Variants in SLC1A7 observed in about 807,000 individuals in gnomAD.
SLC1A7 encodes the protein solute carrier family 1 member 7, also known as excitatory amino acid transporter 5.
Under a neutral mutation model 47.7 loss-of-function variants are expected in SLC1A7, and 40 were observed. That is an observed-to-expected ratio of 0.84 (90% confidence interval 0.65 to 1.09). The LOEUF (loss-of-function observed/expected upper bound fraction) is 1.09. Among genes scored for constraint, SLC1A7 ranks in the 50% least tolerant of loss-of-function variants. The pLI is 0.00. For missense variants in SLC1A7, 746 were observed against 769.5 expected (o/e 0.97, Z 0.36); for synonymous variants, 323 against 325.6 (o/e 0.99, Z 0.09).
At chr1:53,134,573 T>G (rs1572350300) in intron 1 of SLC1A7, 144 bp from the exon 2 acceptor site, 1 of 540,848 alleles carries the variant, frequency 1.8e-6, no homozygotes. Context: ...GAACTGGCTT[T>G]GGAGCCACAG....
intron 3 of SLC1A7, among the ~76,000 whole-genome samples, chr1:53,114,173 AAAGGGAGTGG>A (rs975673084): frequency 1.6e-4 from 24 of 152,226 alleles, no homozygotes; most frequent in African/African-American, 5.8e-4. Context: ...GGACCCGGGG[AAAGGGAGTGG>A]AAGGTGGCTG....
At position 53,107,600 on chromosome 1, in the gene SLC1A7, A is replaced by C. The variant is rs185732690; in HGVS notation, c.432-1826T>G. The stretch of plus-strand genomic sequence containing the variant: ...GAGAAGCTAAGACAGATTGCAATAC[A>C]AATAAAACCACAAAGCAAGTGACGA... On this transcript the variant is annotated intron_variant, in intron 3 of 10. Coordinates refer to ENST00000371494, the MANE Select transcript of SLC1A7 (RefSeq NM_006671.6). Among the ~76,000 whole-genome samples, 18 of 152,364 alleles carry C rather than the reference A, an allele frequency of 1.2e-4. No homozygotes were observed. The East Asian group carries it at 2.1e-3, about 18-fold the overall frequency.
At chr1:53,090,043 G>T in intron 8 of SLC1A7, 109 bp from the exon 9 acceptor site, 1 of 1,175,756 alleles carries the variant, frequency 8.5e-7, no homozygotes, top group Non-Finnish European at 1.2e-6. Context: ...ACAGCCATTT[G>T]GTGCGGGGGG....
At position 53,088,134 on chromosome 1, in the gene SLC1A7, C is replaced by T. The variant is rs748439840; in HGVS notation, c.1558G>A (p.Glu520Lys). The T allele has an allele frequency of 7.4e-6, 12 of 1,613,030 alleles. No individual in the cohort carries two copies. The highest frequency in any genetic ancestry group is 1.3e-5 in the African/African-American group (1 of 74,912). ...GGGCAGGTGGGGCCCAGGGTGAGCT[C>T]GGAGGCCTCGGCTACACTCTTCACA... ...GCVKSVAEAS[E>K]LTLGPTCPHH... is the part of the protein sequence containing the mutation. Residue 520 changes from glutamate to lysine, a missense_variant, in exon 11 of 11, where the codon GAG (glutamate) becomes AAG (lysine). By Grantham distance (56) the Glu-to-Lys change is moderately conservative. Coordinates refer to ENST00000371494, the MANE Select transcript of SLC1A7 (RefSeq NM_006671.6).
chr1:53,095,836 T>C (rs980450328), intron 5 of SLC1A7, among the ~76,000 whole-genome samples: 16 of 146,488 alleles, frequency 1.1e-4, no homozygotes, highest in Admixed American at 6.8e-5. Flanking sequence ...ACTGCCTCGG[T>C]ACACTCACAC....
At chr1:53,115,056 C>T (rs1436939093) in intron 2 of SLC1A7, 83 bp from the exon 3 acceptor site, 1 of 1,053,988 alleles carries the variant, frequency 9.5e-7, no homozygotes, top group African/African-American at 1.6e-5. Context: ...CCCTCCTGGC[C>T]ATGTCCAGCT....
intron 3 of SLC1A7, among the ~76,000 whole-genome samples, chr1:53,114,393 C>A (rs1644732393): frequency 2.0e-5 from 3 of 152,186 alleles, no homozygotes; most frequent in Admixed American, 2.0e-4. Context: ...CTGGAAAAGT[C>A]ACGGCACCTT....
At chr1:53,122,106 C>T (rs1257738197) in intron 2 of SLC1A7, among the ~76,000 whole-genome samples, 1 of 152,104 alleles carries the variant, frequency 6.6e-6, no homozygotes, top group Non-Finnish European at 1.5e-5. Flanking sequence ...GCTCTCAGCT[C>T]AGCACCAGGA....
At chr1:53,100,825 C>T (rs1644567184) in intron 5 of SLC1A7, among the ~76,000 whole-genome samples, 1 of 149,736 alleles carries the variant, frequency 6.7e-6, no homozygotes, top group African/African-American at 2.5e-5. Flanking sequence ...AGTACACTCA[C>T]ATCACCTCGG....
chr1:53,092,552 AC>A lies in SLC1A7; in HGVS notation c.1031+1del. 1.2e-6 allele frequency: 2 copies of A among 1,608,544 alleles called. No homozygotes were observed. The highest frequency in any genetic ancestry group is 1.7e-6 in the Non-Finnish European group (2 of 1,175,020). ...CACCGTCCTGCCCGTCCCCGGGGCT[AC>A]CTGGAGGAGGTGGCCAGCGCGATGA... On this transcript the variant is annotated splice_donor_variant, in intron 7 of 10. Transcript: ENST00000371494. LOFTEE classifies it high-confidence loss of function.
chr1:53,096,040 C>T (rs552625327), intron 5 of SLC1A7, among the ~76,000 whole-genome samples: 30 of 146,288 alleles, frequency 2.1e-4, no homozygotes, highest in Admixed American at 1.5e-3. Flanking sequence ...TCACACAACT[C>T]GCCTCGGTAC....
chr1:53,107,543 A>G (rs1036046481), intron 3 of SLC1A7, among the ~76,000 whole-genome samples: 2 of 151,346 alleles, frequency 1.3e-5, no homozygotes, highest in African/African-American at 4.9e-5. Context: ...CCGTAAACCT[A>G]AAACTATGCT....
At chr1:53,089,069 G>A (rs1222799856) in intron 9 of SLC1A7, 90 bp from the exon 10 acceptor site, 19 of 1,024,224 alleles carry the variant, frequency 1.9e-5, no homozygotes, top group African/African-American at 1.8e-4. Flanking sequence ...CAGCACGGCC[G>A]GTGACCAGCT....
At chr1:53,108,744 GA>G (rs1644672302) in intron 3 of SLC1A7, 1 of 682,922 alleles carries the variant, frequency 1.5e-6, no homozygotes, top group African/African-American at 1.8e-5. Flanking sequence ...CAGGGCCTGG[GA>G]CCCTGGTGAC....
chr1:53,087,684 G>T lies in SLC1A7; in HGVS notation c.*325C>A, dbSNP rs571605818. 3.9e-4 allele frequency: 85 copies of T among 215,828 alleles called. 1 individual carries two copies. The South Asian group carries it at 8.7e-3, about 22-fold the overall frequency. 13.4% of individuals were successfully genotyped at this position (215,828 alleles called of 1,614,324 possible). A position where few individuals can be genotyped will look rare whatever the true frequency, so the allele number is the denominator to read the frequency against. The stretch of plus-strand genomic sequence containing the variant: ...GTGAGACCTTGGACAAGTGTTTTCA[G>T]CTCTCAGAGCCTCAAGTCTGTCATC... On this transcript the variant is annotated 3_prime_UTR_variant, in exon 11 of 11. Transcript: ENST00000371494.
intron 10 of SLC1A7, 57 bp from the exon 11 acceptor site, chr1:53,088,284 G>A (rs1644382328): frequency 7.2e-7 from 1 of 1,385,882 alleles, no homozygotes. Flanking sequence ...TAGATACGAG[G>A]GAGGACTGAG....
At chr1:53,108,465 T>A in intron 3 of SLC1A7, 1 of 667,570 alleles carries the variant, frequency 1.5e-6, no homozygotes, top group African/African-American at 1.8e-5. Flanking sequence ...AGTCCTATTA[T>A]GTTGTGGGGA....
intron 5 of SLC1A7, 112 bp downstream of exon 5, chr1:53,103,234 T>A: frequency 1.3e-6 from 1 of 788,408 alleles, no homozygotes; most frequent in Middle Eastern, 3.8e-4. Context: ...TTTTTCACAG[T>A]AAACCTCTCC....
chr1:53,128,936 T>C (rs1644910965), intron 2 of SLC1A7, among the ~76,000 whole-genome samples: 2 of 141,378 alleles, frequency 1.4e-5, no homozygotes, highest in South Asian at 2.2e-4. Flanking sequence ...CCTAGCACTT[T>C]GGGAGGCCAA....
Sources: allele counts gnomAD v4.1 joint callset (sites outside exome capture counted in the v4.1 genomes callset), GRCh38; gene constraint gnomAD v4.1.1; transcripts MANE v1.5; gene names NCBI Gene and HGNC (gene_info 2026-07-23, HGNC 2026-07-21).